The following NISCH variants were observed in gnomAD, a reference collection of about 807,000 sequenced individuals.
NISCH encodes I-1 receptor candidate protein.
NISCH carries 55 observed loss-of-function variants against 138.4 expected under a neutral mutation model. That is an observed-to-expected ratio of 0.40 (90% CI 0.32 to 0.50). NISCH has a LOEUF of 0.50. NISCH is among the 20% of genes least tolerant of loss of function. The probability of loss-of-function intolerance (pLI) is 0.71; values close to 1 mark genes in which losing one functional copy is unlikely to be tolerated. For synonymous variants in NISCH, 860 were observed against 861.5 expected (o/e 1.00, Z 0.03); for missense variants, 1,643 against 2,005.5 (o/e 0.82, Z 3.45).
chr3:52,488,091 A>G lies in NISCH; in HGVS notation c.2599A>G (p.Met867Val), dbSNP rs753670514. Residue 867 changes from methionine to valine, a missense_variant, in exon 16 of 21, where the codon ATG becomes GTG. Transcript: ENST00000345716. ...CTACCTGGTCTACAGTGACAAGCGCATGGTGCAGACGGCCGCCGGGGACTA... is the reference window on the plus strand; with the variant it reads ...CTACCTGGTCTACAGTGACAAGCGCGTGGTGCAGACGGCCGCCGGGGACTA... Reference protein sequence around the residue: ...PVYLVYSDKRMVQTAAGDYSG... With the variant: ...PVYLVYSDKRVVQTAAGDYSG... The G allele has an allele frequency of 3.1e-6, 5 of 1,612,864 alleles. No individual in the cohort carries two copies. Among genetic ancestry groups the G allele is most frequent in the Admixed American group, 3.3e-5 (2 of 59,996 alleles).
At position 52,478,249 on chromosome 3, in the gene NISCH, C is replaced by T; in HGVS notation, c.1140C>T (p.Val380=). The T allele has an allele frequency of 6.2e-7, 1 of 1,614,106 alleles. No individual in the cohort carries two copies. The highest frequency in any genetic ancestry group is 8.5e-7 in the Non-Finnish European group (1 of 1,179,976). Residue 380 remains valine (V), a synonymous_variant, in exon 10 of 21, where the codon GTC becomes GTT. Transcript: ENST00000345716. ...LSGLHKLYSL[V]NLDLRDNRIE... is the part of the protein sequence containing the mutation. ...GCCTGCACAAGCTCTACTCACTGGT[C>T]AACCTGGATCTCCGGGACAACAGGA...
At chr3:52,460,572 T>A (rs6776759) in intron 3 of NISCH, among the ~76,000 whole-genome samples, 21,435 of 152,040 alleles carry the variant, frequency 0.14, 1,868 homozygotes, top group African/African-American at 0.23. Flanking sequence ...CAGCTAATTT[T>A]AAAAATTTTT....
At chr3:52,471,622 A>G (rs997871420) in intron 4 of NISCH, 192 bp from the exon 5 acceptor site, 2 of 616,018 alleles carry the variant, frequency 3.2e-6, no homozygotes, top group Non-Finnish European at 5.8e-6. Flanking sequence ...CTCTGTCATC[A>G]CATGTCTAGG....
chr3:52,464,729 T>G (rs1407860096), intron 3 of NISCH, among the ~76,000 whole-genome samples: 1 of 152,124 alleles, frequency 6.6e-6, no homozygotes, highest in African/African-American at 2.4e-5. Context: ...TTTACCATGT[T>G]GGCCAGGCTG....
At chr3:52,489,894 C>G (rs1323181855) in intron 17 of NISCH, 181 bp from the exon 18 acceptor site, 1 of 1,175,640 alleles carries the variant, frequency 8.5e-7, no homozygotes, top group Non-Finnish European at 1.2e-6. Context: ...CTTCCAGCCC[C>G]AGGTAGACCT....
intron 15 of NISCH, among the ~76,000 whole-genome samples, chr3:52,486,956 A>G (rs1707415725): frequency 6.6e-6 from 1 of 152,204 alleles, no homozygotes; most frequent in Admixed American, 6.5e-5. Flanking sequence ...CCAGGCACCT[A>G]TGGTCCAAGC....
chr3:52,484,462 T>TGGGGCGCC, intron 13 of NISCH, 51 bp from the exon 14 acceptor site: 5 of 788,670 alleles, frequency 6.3e-6, no homozygotes, highest in Non-Finnish European at 7.3e-6. Context: ...ACAGCCGCTC[T>TGGGGCGCC]CCCCGCCCCA....
rs764252691 is a variant in NISCH, at chr3:52,471,888, C to G, written c.484C>G (p.Gln162Glu). The G allele has an allele frequency of 1.2e-6, 2 of 1,613,324 alleles. No homozygotes were observed. Among genetic ancestry groups the G allele is most frequent in the African/African-American group, 2.7e-5 (2 of 74,922 alleles). The change falls in exon 5 of 21, where the codon CAG becomes GAG. Residue 162 changes from glutamine to glutamate, a missense_variant. Physicochemically the swap from Gln to Glu is conservative, Grantham distance 29 (BLOSUM62 2). Transcript: ENST00000345716. ...LQLYAVTEQL[Q>E]QGKPTCASGD... The stretch of plus-strand genomic sequence containing the variant: ...GCTGTATGCCGTCACGGAGCAGCTG[C>G]AGCAGGGAAAGCCCACGTGCGCCAG...
intron 3 of NISCH, among the ~76,000 whole-genome samples, chr3:52,466,287 C>T (rs150992143): frequency 1.9e-4 from 29 of 152,134 alleles, no homozygotes; most frequent in African/African-American, 6.7e-4. Flanking sequence ...CGAGGAGGGC[C>T]GGGCATGGTG....
intron 1 of NISCH, among the ~76,000 whole-genome samples, 200 bp from the exon 2 acceptor site, chr3:52,457,643 C>T (rs1008781168): frequency 6.6e-6 from 1 of 152,178 alleles, no homozygotes; most frequent in East Asian, 1.9e-4. Context: ...CTGAGAGGGG[C>T]CCTGCTGGTC....
chr3:52,468,266 A>C (rs983861901), intron 3 of NISCH, among the ~76,000 whole-genome samples: 2 of 152,204 alleles, frequency 1.3e-5, no homozygotes, highest in Non-Finnish European at 2.9e-5. Flanking sequence ...CTCAAAAAAA[A>C]GAAGTGTGCC....
At chr3:52,478,338 T>A (rs900141357) in intron 10 of NISCH, 56 bp downstream of exon 10, 1 of 1,606,944 alleles carries the variant, frequency 6.2e-7, no homozygotes, top group Non-Finnish European at 8.5e-7. Context: ...TGTATCATGT[T>A]AAAGAAGAAT....
chr3:52,472,543 C>A, intron 6 of NISCH, 145 bp downstream of exon 6: 2 of 696,394 alleles, frequency 2.9e-6, no homozygotes, highest in Non-Finnish European at 4.9e-6. Flanking sequence ...GGTGACCAGG[C>A]CCTCTGAAGG....
intron 3 of NISCH, among the ~76,000 whole-genome samples, chr3:52,462,705 G>C (rs1026735716): frequency 2.0e-5 from 3 of 151,736 alleles, no homozygotes; most frequent in African/African-American, 7.3e-5. Context: ...GTACGATCTC[G>C]GCTCACTGCA....
At position 52,476,542 on chromosome 3, in the gene NISCH, G is replaced by A. The variant is rs1707101773; in HGVS notation, c.861G>A (p.Gln287=). ...TGACTGCCGTCATCCCCACTTGGCA[G>A]GCATTGACCACGCTTGACCTGAGCC... The part of the protein sequence containing the change: ...GPVTAVIPTW[Q]ALTTLDLSHN... Residue 287 remains glutamine (Q), a synonymous_variant, in exon 8 of 21, where the codon CAG becomes CAA. Coordinates refer to ENST00000345716, the MANE Select transcript of NISCH (RefSeq NM_007184.4). 1 of 1,614,178 alleles carries A rather than the reference G, an allele frequency of 6.2e-7. No individual in the cohort carries two copies. The highest frequency in any genetic ancestry group is 8.5e-7 in the Non-Finnish European group (1 of 1,180,016).
chr3:52,484,041 G>A (rs112079617), intron 13 of NISCH, among the ~76,000 whole-genome samples: 3 of 152,330 alleles, frequency 2.0e-5, no homozygotes, highest in East Asian at 3.9e-4. Flanking sequence ...TCCGCTGGCC[G>A]TTCTTCTGCG....
At position 52,480,552 on chromosome 3, in the gene NISCH, G is replaced by T. The variant is rs1447675015; in HGVS notation, c.1528+257G>T. 10 of 1,461,936 alleles carry T rather than the reference G, an allele frequency of 6.8e-6. No homozygotes were observed. The South Asian group carries it at 1.3e-4, about 18-fold the overall frequency. 90.6% of individuals were successfully genotyped at this position (1,461,936 alleles called of 1,614,324 possible). On this transcript the variant is annotated intron_variant, in intron 13 of 20. Transcript: ENST00000345716. ...ATCCAGCTCCTCTAGGAGACCGCAG[G>T]GTGTCTGACAGGCCCTGAGGCTGCC...
intron 7 of NISCH, among the ~76,000 whole-genome samples, chr3:52,474,623 G>A (rs1707049567): frequency 2.6e-5 from 4 of 151,994 alleles, no homozygotes; most frequent in Admixed American, 2.6e-4. Context: ...GTAGAGACAG[G>A]GTTTTACCAC....
chr3:52,459,038 G>C (rs1469595196), intron 3 of NISCH, among the ~76,000 whole-genome samples, 194 bp downstream of exon 3: 1 of 152,208 alleles, frequency 6.6e-6, no homozygotes, highest in Non-Finnish European at 1.5e-5. Flanking sequence ...CCGTAAATTA[G>C]ACTAAATGTG....
Sources: gnomAD v4.1 joint callset for allele counts (sites outside exome capture counted in the v4.1 genomes callset) on GRCh38, gnomAD v4.1.1 for gene constraint, MANE v1.5 for transcripts, NCBI Gene and HGNC (gene_info 2026-07-23, HGNC 2026-07-21) for gene names.